The following KIRREL3 variants were observed in gnomAD, a reference collection of about 807,000 sequenced individuals.
The protein encoded by KIRREL3 is kin of IRRE-like protein 3.
Under a neutral mutation model 89.7 loss-of-function variants are expected in KIRREL3, and 36 were observed. That is an observed-to-expected ratio of 0.40 (90% CI 0.31 to 0.53). The LOEUF (loss-of-function observed/expected upper bound fraction) is 0.53. Ranked by LOEUF, KIRREL3 falls within the 20% of genes least tolerant of loss-of-function variation. The probability of loss-of-function intolerance (pLI) is 0.49; values close to 1 mark genes in which losing one functional copy is unlikely to be tolerated. For synonymous variants in KIRREL3, 445 were observed against 441.4 expected (o/e 1.01, Z -0.10); for missense variants, 864 against 1,056.6 (o/e 0.82, Z 2.53).
At chr11:126,925,654 C>T (rs544392908) in intron 1 of KIRREL3, among the ~76,000 whole-genome samples, 58 of 152,282 alleles carry the variant, frequency 3.8e-4, no homozygotes, top group African/African-American at 1.3e-3. Context: ...TCTATGACTG[C>T]CAGCATCCCG....
intron 1 of KIRREL3, among the ~76,000 whole-genome samples, chr11:126,842,164 C>T (rs921582835): frequency 3.9e-5 from 6 of 152,058 alleles, no homozygotes; most frequent in African/African-American, 7.2e-5. Flanking sequence ...GGTTGCTGTT[C>T]GGAGGGCCAG....
Position 126,484,225 on chromosome 11 carries a change from C to T in KIRREL3, c.434-10759G>A, listed in dbSNP as rs959850304. On this transcript the variant is annotated intron_variant, in intron 4 of 16. Coordinates refer to ENST00000525144, the MANE Select transcript of KIRREL3 (RefSeq NM_032531.4). This position sits in a 1 kb window ranked among gnomAD's most constrained non-coding sequence, Gnocchi z 5.2. Reference sequence around the variant, plus strand: ...CCTCACCACATCTCTATTGCATTGACTTGTGGACCTGTTTCAGGTTCCCTA... The same window carrying T: ...CCTCACCACATCTCTATTGCATTGATTTGTGGACCTGTTTCAGGTTCCCTA... Among the ~76,000 whole-genome samples, 2 of 152,186 alleles carry T rather than the reference C, an allele frequency of 1.3e-5. No individual in the cohort carries two copies. The highest frequency in any genetic ancestry group is 2.9e-5 in the Non-Finnish European group (2 of 68,048).
intron 11 of KIRREL3, 56 bp downstream of exon 11, chr11:126,440,393 A>G (rs1343661926): frequency 4.0e-6 from 6 of 1,504,430 alleles, no homozygotes; most frequent in Non-Finnish European, 5.4e-6. Flanking sequence ...GGTATTGGCA[A>G]AAGTGACTGT....
rs1946876235 is a variant in KIRREL3, at chr11:126,912,759, C to G, written c.55+87696G>C. On this transcript the variant is annotated intron_variant, in intron 1 of 16. Coordinates refer to ENST00000525144, the MANE Select transcript of KIRREL3 (RefSeq NM_032531.4). This position sits in a 1 kb window ranked among gnomAD's most constrained non-coding sequence, Gnocchi z 4.7. Reference sequence around the variant, plus strand: ...TGTATCAGCCTAATTACCAGCCTCTCCTTCCATTCCTGCTGGCATGGCAGG... The same window carrying G: ...TGTATCAGCCTAATTACCAGCCTCTGCTTCCATTCCTGCTGGCATGGCAGG... 6.6e-6 allele frequency among the ~76,000 whole-genome samples: 1 copy of G among 152,226 alleles called. No individual in the cohort carries two copies.
chr11:126,707,825 T>C (rs1947594672), intron 1 of KIRREL3, among the ~76,000 whole-genome samples: 1 of 132,726 alleles, frequency 7.5e-6, no homozygotes, highest in Admixed American at 8.6e-5. Flanking sequence ...CTCTTGGTCC[T>C]TGTGATGAGC....
Position 126,431,262 on chromosome 11 carries a change from A to G in KIRREL3, c.1696+157T>C, listed in dbSNP as rs1471379357. ...CAGGCGCCATGTTGCCCAGGCTCAC[A>G]TACACCGATGCATCAGACCCACTCC... On this transcript the variant is annotated intron_variant, in intron 14 of 16. Transcript: ENST00000525144. The surrounding 1 kb of genome is among the most constrained non-coding windows in gnomAD (Gnocchi z 7.1). The G allele has an allele frequency of 2.6e-6, 4 of 1,542,890 alleles. No homozygotes were observed. Among genetic ancestry groups the G allele is most frequent in the African/African-American group, 2.7e-5 (2 of 73,058 alleles).
At chr11:126,939,275 G>A (rs1948336901) in intron 1 of KIRREL3, among the ~76,000 whole-genome samples, 1 of 152,180 alleles carries the variant, frequency 6.6e-6, no homozygotes, top group Non-Finnish European at 1.5e-5. Flanking sequence ...ATCTCCATCA[G>A]GCCCAATGGG....
intron 1 of KIRREL3, among the ~76,000 whole-genome samples, chr11:126,869,142 T>A (rs939330395): frequency 1.4e-4 from 20 of 147,040 alleles, no homozygotes; most frequent in Non-Finnish European, 1.8e-4. Context: ...TGGGTGACCC[T>A]CTGCCTGAGG....
intron 1 of KIRREL3, among the ~76,000 whole-genome samples, chr11:126,596,269 C>T (rs1309534270): frequency 7.3e-6 from 1 of 136,912 alleles, no homozygotes; most frequent in Non-Finnish European, 1.6e-5. Context: ...TCTAACACAG[C>T]ACCTGGCATA....
chr11:126,697,975 C>T lies in KIRREL3; in HGVS notation c.56-135063G>A, dbSNP rs1290415368. Among the ~76,000 whole-genome samples, 8 of 152,124 alleles carry T rather than the reference C, an allele frequency of 5.3e-5. No homozygotes were observed. The East Asian group carries it at 1.3e-3, about 26-fold the overall frequency. ...AAGTGCCAAGAAGGGAAGATGACAA[C>T]GCTGGTGAAGTCTGAACAAATGCAA... On this transcript the variant is annotated intron_variant, in intron 1 of 16. Coordinates refer to ENST00000525144, the MANE Select transcript of KIRREL3 (RefSeq NM_032531.4). The surrounding 1 kb of genome is among the most constrained non-coding windows in gnomAD (Gnocchi z 4.2).
chr11:126,912,627 C>T lies in KIRREL3; in HGVS notation c.55+87828G>A, dbSNP rs1194968326. Reference sequence around the variant, plus strand: ...AACAGGAGAAGGGAGAAGAACTTCACCTTCCTTCAAGAGGCCATGCTGGGT... The same window carrying T: ...AACAGGAGAAGGGAGAAGAACTTCATCTTCCTTCAAGAGGCCATGCTGGGT... On this transcript the variant is annotated intron_variant, in intron 1 of 16. Transcript: ENST00000525144. This position sits in a 1 kb window ranked among gnomAD's most constrained non-coding sequence, Gnocchi z 4.7. Among the ~76,000 whole-genome samples, 1 of 152,212 alleles carries T rather than the reference C, an allele frequency of 6.6e-6. No homozygotes were observed. Among genetic ancestry groups the T allele is most frequent in the Non-Finnish European group, 1.5e-5 (1 of 68,044 alleles).
rs546087829 is a variant in KIRREL3 at position 126,530,187 on chromosome 11, T to C, written c.134-3500A>G. 9.9e-5 allele frequency among the ~76,000 whole-genome samples: 15 copies of C among 152,168 alleles called. No individual in the cohort carries two copies. The South Asian group carries it at 3.1e-3, about 32-fold the overall frequency. On this transcript the variant is annotated intron_variant, in intron 2 of 16. Transcript: ENST00000525144. The surrounding 1 kb of genome is among the most constrained non-coding windows in gnomAD (Gnocchi z 5.8). ...TGCAACCTTTGCCTCCCGGTTCAAG[T>C]GATTCTCCTGCCTCAGCCTCCTGAG...
In KIRREL3 at chr11:126,574,638, A is replaced by G. The variant is rs986273290; in HGVS notation, c.56-11726T>C. Among the ~76,000 whole-genome samples, 1 of 152,188 alleles carries G rather than the reference A, an allele frequency of 6.6e-6. No homozygotes were observed. Among genetic ancestry groups the G allele is most frequent in the Non-Finnish European group, 1.5e-5 (1 of 68,044 alleles). On this transcript the variant is annotated intron_variant, in intron 1 of 16. Transcript: ENST00000525144. The surrounding 1 kb of genome is among the most constrained non-coding windows in gnomAD (Gnocchi z 5.3). ...TGGGGTTATCCAATCTAGCAGCCCC[A>G]CCAGAGCAAAGGACGAGGGTGGCTG...
rs748058213 is a variant in KIRREL3, at chr11:126,620,736, T to C, written c.56-57824A>G. Among the ~76,000 whole-genome samples the C allele has an allele frequency of 2.0e-5, 3 of 152,224 alleles. No individual in the cohort carries two copies. Among genetic ancestry groups the C allele is most frequent in the Non-Finnish European group, 2.9e-5 (2 of 68,042 alleles). On this transcript the variant is annotated intron_variant, in intron 1 of 16. Coordinates refer to ENST00000525144, the MANE Select transcript of KIRREL3 (RefSeq NM_032531.4). This position sits in a 1 kb window ranked among gnomAD's most constrained non-coding sequence, Gnocchi z 4.8. The stretch of plus-strand genomic sequence containing the variant: ...ATGCTTTTATAGGTCTCTTGATCTC[T>C]TCTTCCTGCCTCATACCCCACTTTA...
chr11:126,802,922 C>A lies in KIRREL3; in HGVS notation c.55+197533G>T, dbSNP rs543250250. 2.2e-4 allele frequency among the ~76,000 whole-genome samples: 33 copies of A among 152,184 alleles called. No individual in the cohort carries two copies. The highest frequency in any genetic ancestry group is 8.0e-4 in the African/African-American group (33 of 41,506). ...GGTGTTTTGCTCAAGGTTGTAGTTT[C>A]CAAGAACCTATCAATGACATTAAGT... On this transcript the variant is annotated intron_variant, in intron 1 of 16. Transcript: ENST00000525144. This position sits in a 1 kb window ranked among gnomAD's most constrained non-coding sequence, Gnocchi z 5.2.
At chr11:126,449,409 C>T (rs1351725884) in intron 7 of KIRREL3, among the ~76,000 whole-genome samples, 1 of 152,226 alleles carries the variant, frequency 6.6e-6, no homozygotes, top group Non-Finnish European at 1.5e-5. Flanking sequence ...CAGTGGCACT[C>T]AACAAGTGGG....
chr11:126,819,019 C>T lies in KIRREL3; in HGVS notation c.55+181436G>A, dbSNP rs545506657. Among the ~76,000 whole-genome samples the T allele has an allele frequency of 5.9e-5, 9 of 152,242 alleles. No homozygotes were observed. In the South Asian group the frequency reaches 1.2e-3, roughly 21 times the overall value. ...AATGAACCTGGTTGGTGGGCGAGGC[C>T]GCTAGGGGTAGAGGCAGTTGGGGAG... On this transcript the variant is annotated intron_variant, in intron 1 of 16. Transcript: ENST00000525144.
chr11:126,840,346 T>C (rs141385796), intron 1 of KIRREL3, among the ~76,000 whole-genome samples: 2 of 152,246 alleles, frequency 1.3e-5, no homozygotes, highest in East Asian at 3.9e-4. Context: ...GCGCCCAGGG[T>C]CAAGTTTAAG....
At chr11:126,445,994 CA>C (rs1299422042) in intron 9 of KIRREL3, among the ~76,000 whole-genome samples, 2 of 151,950 alleles carry the variant, frequency 1.3e-5, no homozygotes, top group African/African-American at 2.4e-5. Flanking sequence ...ACTAAAAATA[CA>C]AAATTAGCTG....
Sources: allele counts gnomAD v4.1 joint callset (sites outside exome capture counted in the v4.1 genomes callset), GRCh38; gene constraint gnomAD v4.1.1; non-coding constraint Gnocchi (gnomAD v3.1); transcripts MANE v1.5; gene names NCBI Gene and HGNC (gene_info 2026-07-23, HGNC 2026-07-21).